XPO1: variants seen among roughly 807,000 people sequenced by gnomAD.
XPO1 encodes the protein exportin-1.
Under a neutral mutation model 133.3 loss-of-function variants are expected in XPO1, and 5 were observed. The observed-to-expected ratio is 0.04, with a 90% CI of 0.02 to 0.08. The LOEUF (loss-of-function observed/expected upper bound fraction) is 0.08. Ranked by LOEUF, XPO1 falls within the 10% of genes least tolerant of loss-of-function variation. The pLI, the probability that XPO1 is intolerant of heterozygous loss-of-function variation, is 1.00. For synonymous variants in XPO1, 419 were observed against 408.2 expected, an observed-to-expected ratio of 1.03 and a Z score of -0.32; for missense variants, 506 against 1,267.5, an observed-to-expected ratio of 0.40 and a Z score of 9.12.
intron 18 of XPO1, 117 bp downstream of exon 18, chr2:61,488,471 T>A: frequency 8.2e-7 from 1 of 1,219,114 alleles, no homozygotes; most frequent in Non-Finnish European, 1.2e-6. Context: ...TCTAGGGTCA[T>A]TTGGGAAATG....
intron 11 of XPO1, 111 bp from the exon 12 acceptor site, chr2:61,494,202 C>T: frequency 1.0e-6 from 1 of 1,004,138 alleles, no homozygotes; most frequent in Non-Finnish European, 1.4e-6. Flanking sequence ...TTATTCATCA[C>T]AACTCAGATT....
rs756595032 is a variant in XPO1 at position 61,478,887 on chromosome 2, T to C, written c.3149A>G (p.His1050Arg). ...GCCAGGGACAGACATTTGACGTTTATGTTTCTCTTCATCAGCCTGCCGTAG... is the reference window on the plus strand; with the variant it reads ...GCCAGGGACAGACATTTGACGTTTACGTTTCTCTTCATCAGCCTGCCGTAG... ...IALRQADEEK[H>R]KRQMSVPGIF... The change falls in exon 25 of 25, where the codon CAT becomes CGT. Residue 1050 changes from histidine (H) to arginine (R), a missense_variant. His to Arg is a conservative substitution (Grantham distance 29, BLOSUM62 0). This residue lies in a region of XPO1 where 203 missense variants were observed against 365.9 expected (regional missense o/e 0.55). Transcript: ENST00000401558. 4 of 1,614,100 alleles carry C rather than the reference T, an allele frequency of 2.5e-6. No homozygotes were observed. In the African/African-American group the frequency reaches 5.3e-5, roughly 22 times the overall value.
intron 2 of XPO1, among the ~76,000 whole-genome samples, chr2:61,526,871 C>A (rs1264691462): frequency 1.3e-5 from 2 of 152,030 alleles, no homozygotes; most frequent in African/African-American, 4.8e-5. Flanking sequence ...CCACAGCCAG[C>A]TAATTTTTGT....
rs533016109 is a variant in XPO1, at chr2:61,532,701, G to A, written c.126+1071C>T. On this transcript the variant is annotated intron_variant, in intron 2 of 24. Coordinates refer to ENST00000401558, the MANE Select transcript of XPO1 (RefSeq NM_003400.4). The stretch of plus-strand genomic sequence containing the variant: ...ATACAAAAAATTAGCTGGGCATGGT[G>A]GCGCGTCTGTAGTCCCAGCTACTCG... 2.7e-3 allele frequency among the ~76,000 whole-genome samples: 417 copies of A among 151,648 alleles called. 1 individual carries two copies. The highest frequency in any genetic ancestry group is 9.4e-3 in the African/African-American group (389 of 41,346).
chr2:61,489,388 G>A (rs868198731), intron 17 of XPO1, among the ~76,000 whole-genome samples: 3 of 147,296 alleles, frequency 2.0e-5, no homozygotes, highest in Non-Finnish European at 3.0e-5. Flanking sequence ...ACTCCAGCCC[G>A]GGCACCAAGA....
chr2:61,497,672 G>C (rs943000155), intron 9 of XPO1, among the ~76,000 whole-genome samples: 3 of 152,282 alleles, frequency 2.0e-5, no homozygotes, highest in African/African-American at 7.2e-5. Flanking sequence ...ATGTATCTAA[G>C]AGTAATAAGA....
Position 61,493,739 on chromosome 2 carries a change from C to T in XPO1, c.1245+155G>A, listed in dbSNP as rs1326024246. On this transcript the variant is annotated intron_variant, in intron 12 of 24. Coordinates refer to ENST00000401558, the MANE Select transcript of XPO1 (RefSeq NM_003400.4). ...CTCTTGAGAATCAAGGTTCTAGACT[C>T]AACTCCTTTCATGTTCTAGTTTTCC... The T allele has an allele frequency of 3.9e-6, 3 of 774,674 alleles. No individual in the cohort carries two copies. In the South Asian group the frequency reaches 5.2e-5, roughly 13 times the overall value. The allele number at this position is 774,674 out of a possible 1,614,324, so 48.0% of individuals were successfully genotyped here.
At position 61,496,995 on chromosome 2, in the gene XPO1, G is replaced by C; in HGVS notation, c.772C>G (p.Pro258Ala). ...STLIYKFLNV[P>A]MFRNVSLKCL... ...TTCAGAGAGACATTTCGAAACATTG[G>C]AACATTCAGGAACTATTTAAAAGGG... Residue 258 changes from proline (P) to alanine (A), a missense_variant, in exon 10 of 25, where the codon CCA (proline) becomes GCA (alanine). Around this residue, in one of 6 missense-constraint regions of XPO1, gnomAD observed 134 missense variants for 261.6 expected, o/e 0.51. Transcript: ENST00000401558. 6.2e-7 allele frequency: 1 copy of C among 1,611,596 alleles called. No individual in the cohort carries two copies. Among genetic ancestry groups the C allele is most frequent in the Non-Finnish European group, 8.5e-7 (1 of 1,179,272 alleles).
chr2:61,517,680 T>G (rs530268755), intron 4 of XPO1, among the ~76,000 whole-genome samples: 24 of 152,316 alleles, frequency 1.6e-4, no homozygotes, highest in African/African-American at 4.8e-4. Context: ...CCAGCCAGGC[T>G]TGGTAGCAAT....
intron 1 of XPO1, among the ~76,000 whole-genome samples, chr2:61,537,307 A>G (rs1450683140): frequency 2.0e-5 from 3 of 149,974 alleles, no homozygotes; most frequent in Non-Finnish European, 3.0e-5. Context: ...GCCTTCCTCC[A>G]CCGCCACCCG....
intron 6 of XPO1, among the ~76,000 whole-genome samples, chr2:61,500,961 G>A (rs757974208): frequency 2.6e-4 from 39 of 152,110 alleles, no homozygotes; most frequent in Non-Finnish European, 5.0e-4. Flanking sequence ...CACTGCAATC[G>A]GGGCCTGAAT....
intron 4 of XPO1, among the ~76,000 whole-genome samples, chr2:61,510,314 T>C (rs1023085498): frequency 5.3e-5 from 8 of 152,124 alleles, no homozygotes; most frequent in East Asian, 3.8e-4. Context: ...ATCGATCTTT[T>C]GAAAGATGGT....
At position 61,489,869 on chromosome 2, in the gene XPO1, A is replaced by T. The variant is rs116447591; in HGVS notation, c.2022+773T>A. ...ACACCCAGCCTATTCCTATTTTAAT[A>T]TCAAATGAGAATGGAAATTACAGTA... On this transcript the variant is annotated intron_variant, in intron 17 of 24. Coordinates refer to ENST00000401558, the MANE Select transcript of XPO1 (RefSeq NM_003400.4). Among the ~76,000 whole-genome samples, 1,080 of 150,056 alleles carry T rather than the reference A, an allele frequency of 7.2e-3. 10 individuals carry two copies. The highest frequency in any genetic ancestry group is 0.025 in the African/African-American group (1,027 of 40,804).
At chr2:61,485,473 A>AGCCCCCCCC (rs1553402570) in intron 20 of XPO1, 1 of 103,550 alleles carries the variant, frequency 9.7e-6, no homozygotes, top group Non-Finnish European at 2.0e-5. Context: ...GGCTCAAGTG[A>AGCCCCCCCC]CCCCCCCCCC....
At chr2:61,518,534 G>GCT (rs1698525216) in intron 4 of XPO1, among the ~76,000 whole-genome samples, 1 of 150,860 alleles carries the variant, frequency 6.6e-6, no homozygotes, top group Non-Finnish European at 1.5e-5. Flanking sequence ...GGAGAATGGT[G>GCT]TGAAACCGGG....
At chr2:61,506,258 T>C (rs564172686) in intron 4 of XPO1, among the ~76,000 whole-genome samples, 2 of 152,112 alleles carry the variant, frequency 1.3e-5, no homozygotes, top group East Asian at 3.9e-4. Flanking sequence ...CTGTCTCTAA[T>C]AAAAATACAA....
intron 3 of XPO1, chr2:61,526,065 G>A: frequency 9.2e-7 from 1 of 1,091,664 alleles, no homozygotes; most frequent in Non-Finnish European, 1.1e-6. Flanking sequence ...AGAGGTGCCT[G>A]GCCTGTATTA....
chr2:61,524,122 G>A (rs1483660507), intron 3 of XPO1, among the ~76,000 whole-genome samples: 1 of 152,042 alleles, frequency 6.6e-6, no homozygotes, highest in East Asian at 1.9e-4. Flanking sequence ...ACTACCCTAA[G>A]CATTTTCTTT....
chr2:61,493,533 A>C (rs1697096652), intron 12 of XPO1: 1 of 206,202 alleles, frequency 4.8e-6, no homozygotes, highest in African/African-American at 2.4e-5. Context: ...TTTTCACTGT[A>C]ATTCTACAAA....
Sources: allele counts gnomAD v4.1 joint callset (sites outside exome capture counted in the v4.1 genomes callset), GRCh38; gene constraint gnomAD v4.1.1; regional missense constraint gnomAD v4.1.1; transcripts MANE v1.5; gene names NCBI Gene and HGNC (gene_info 2026-07-23, HGNC 2026-07-21).